The following ACACA variants were observed in gnomAD, a reference collection of about 807,000 sequenced individuals.
ACACA encodes the protein acetyl-CoA carboxylase alpha.
Under a neutral mutation model 296.1 loss-of-function variants are expected in ACACA, and 103 were observed. The ratio of observed to expected loss-of-function variants is 0.35; its 90% CI spans 0.30 to 0.41. The LOEUF is 0.41. Ranked by LOEUF, ACACA falls within the 10% of genes least tolerant of loss-of-function variation. The pLI is 1.00. For synonymous variants in ACACA, 953 were observed against 1,038.6 expected, an observed-to-expected ratio of 0.92 and a Z score of 1.58; for missense variants, 1,554 against 2,989.7, an observed-to-expected ratio of 0.52 and a Z score of 11.20.
At chr17:37,381,692 A>C (rs370107508) in intron 1 of ACACA, among the ~76,000 whole-genome samples, 114 of 138,270 alleles carry the variant, frequency 8.2e-4, no homozygotes, top group African/African-American at 2.9e-3. Flanking sequence ...CAGTGGTGCG[A>C]TCTCAGCTCA....
chr17:37,232,238 T>C (rs1193572026), intron 25 of ACACA, among the ~76,000 whole-genome samples: 2 of 152,166 alleles, frequency 1.3e-5, no homozygotes, highest in Non-Finnish European at 2.9e-5. Context: ...GAAATCATCA[T>C]CTAGCTCAGC....
intron 29 of ACACA, among the ~76,000 whole-genome samples, chr17:37,221,018 G>A (rs2079262077): frequency 6.6e-6 from 1 of 152,180 alleles, no homozygotes; most frequent in African/African-American, 2.4e-5. Context: ...ACCTATGTGT[G>A]GGTGGAATTC....
chr17:37,315,562 C>T (rs2047050108), intron 3 of ACACA, among the ~76,000 whole-genome samples: 1 of 152,192 alleles, frequency 6.6e-6, no homozygotes, highest in Non-Finnish European at 1.5e-5. Context: ...TCCTGACCAA[C>T]CAGCTATAAA....
intron 12 of ACACA, among the ~76,000 whole-genome samples, chr17:37,259,100 A>G (rs2081334411): frequency 6.6e-6 from 1 of 152,250 alleles, no homozygotes; most frequent in African/African-American, 2.4e-5. Context: ...AATTGAATAA[A>G]GCATACATTA....
Position 37,245,103 on chromosome 17 carries a change from C to T in ACACA, c.2572G>A (p.Asp858Asn), listed in dbSNP as rs2080628121. 6.2e-7 allele frequency: 1 copy of T among 1,614,056 alleles called. No individual in the cohort carries two copies. Among genetic ancestry groups the T allele is most frequent in the Non-Finnish European group, 8.5e-7 (1 of 1,180,032 alleles). Residue 858 changes from aspartate (D) to asparagine (N), a missense_variant, in exon 20 of 56, where the codon GAC becomes AAC. Around this residue, in one of 16 missense-constraint regions of ACACA, gnomAD observed 316 missense variants for 540.9 expected, o/e 0.58. Transcript: ENST00000616317. ...PGCVLAKMQLDNPSKVQQAEL... is the reference protein window; with the variant it reads ...PGCVLAKMQLNNPSKVQQAEL... ...ACCTGCTGAACCTTGCTGGGGTTGTCCAGTTGCATTTTGGCTAGTACACAG... is the reference window on the plus strand; with the variant it reads ...ACCTGCTGAACCTTGCTGGGGTTGTTCAGTTGCATTTTGGCTAGTACACAG...
chr17:37,317,727 A>T (rs956094621), intron 3 of ACACA, among the ~76,000 whole-genome samples: 15 of 152,216 alleles, frequency 9.9e-5, no homozygotes, highest in Non-Finnish European at 2.1e-4. Flanking sequence ...AATAAAAGTA[A>T]TAAACACTGT....
intron 11 of ACACA, among the ~76,000 whole-genome samples, chr17:37,261,236 G>A (rs550961713): frequency 2.6e-5 from 4 of 152,300 alleles, no homozygotes; most frequent in Non-Finnish European, 5.9e-5. Flanking sequence ...TCACCCTGAA[G>A]CAACTCAGTG....
At chr17:37,382,860 AAAAAC>A (rs1227219317) in intron 1 of ACACA, among the ~76,000 whole-genome samples, 2 of 152,086 alleles carry the variant, frequency 1.3e-5, no homozygotes, top group African/African-American at 4.8e-5. Flanking sequence ...CTCTGTCTCA[AAAAAC>A]AAAACAAAAC....
chr17:37,297,963 GA>G (rs1567961628), intron 3 of ACACA, among the ~76,000 whole-genome samples: 2 of 151,556 alleles, frequency 1.3e-5, no homozygotes, highest in Non-Finnish European at 1.5e-5. Context: ...AGTTACTTTG[GA>G]AAAAAAATTT....
intron 1 of ACACA, chr17:37,388,573 T>C (rs2050652307): frequency 7.8e-6 from 11 of 1,406,662 alleles, no homozygotes; most frequent in East Asian, 2.4e-5. Flanking sequence ...GGGCCTCTAA[T>C]AGTCTTGTGA....
intron 29 of ACACA, among the ~76,000 whole-genome samples, chr17:37,217,627 C>T (rs1034816013): frequency 2.0e-5 from 3 of 147,196 alleles, no homozygotes; most frequent in Admixed American, 6.9e-5. Context: ...CCCAGCTACT[C>T]GGGAGGCTGA....
chr17:37,134,311 A>T (rs982777863), intron 45 of ACACA, among the ~76,000 whole-genome samples: 1 of 152,158 alleles, frequency 6.6e-6, no homozygotes, highest in African/African-American at 2.4e-5. Flanking sequence ...ATAAACACGT[A>T]CTTCCTTTCC....
chr17:37,349,981 G>C (rs1018178035), intron 1 of ACACA, among the ~76,000 whole-genome samples: 1 of 152,034 alleles, frequency 6.6e-6, no homozygotes, highest in African/African-American at 2.4e-5. Context: ...TGACATCCTT[G>C]TATGATGTGT....
intron 14 of ACACA, among the ~76,000 whole-genome samples, chr17:37,256,575 A>T (rs2081238560): frequency 6.6e-6 from 1 of 152,138 alleles, no homozygotes; most frequent in Non-Finnish European, 1.5e-5. Context: ...TCTACAAAAA[A>T]TTTAAAATTT....
chr17:37,402,680 T>C (rs2051331403), intron 1 of ACACA, among the ~76,000 whole-genome samples: 1 of 147,314 alleles, frequency 6.8e-6, no homozygotes, highest in Non-Finnish European at 1.5e-5. Context: ...GACTTCATTC[T>C]TTTTTTTTTT....
At chr17:37,184,247 G>A (rs1043669050) in intron 39 of ACACA, among the ~76,000 whole-genome samples, 2 of 152,090 alleles carry the variant, frequency 1.3e-5, no homozygotes, top group African/African-American at 4.8e-5. Flanking sequence ...CAAGCATGTG[G>A]TCTTAGTTTA....
chr17:37,293,260 C>T (rs1250180400), intron 3 of ACACA, among the ~76,000 whole-genome samples: 1 of 152,144 alleles, frequency 6.6e-6, no homozygotes, highest in African/African-American at 2.4e-5. Context: ...TTTTAGAAAA[C>T]TTCCGAATTA....
At chr17:37,176,407 T>A (rs1292247246) in intron 41 of ACACA, among the ~76,000 whole-genome samples, 1 of 152,194 alleles carries the variant, frequency 6.6e-6, no homozygotes, top group African/African-American at 2.4e-5. Context: ...CATTAACAGG[T>A]CAATTTTTTA....
chr17:37,338,973 G>GGGAGGGAAAAGGGGAAA (rs1165467825), intron 2 of ACACA, among the ~76,000 whole-genome samples: 1 of 148,170 alleles, frequency 6.7e-6, no homozygotes, highest in Non-Finnish European at 1.5e-5. Context: ...AAAAGGCAGA[G>GGGAGGGAAAAGGGGAAA]AGGGAGGGAA....
Sources: gnomAD v4.1 joint callset for allele counts (sites outside exome capture counted in the v4.1 genomes callset) on GRCh38, gnomAD v4.1.1 for gene constraint, gnomAD v4.1.1 regional missense constraint, MANE v1.5 for transcripts, NCBI Gene and HGNC (gene_info 2026-07-23, HGNC 2026-07-21) for gene names.